Variants in MYO18A observed in about 807,000 individuals in gnomAD.
MYO18A encodes the protein unconventional myosin-XVIIIa.
Under a neutral mutation model 235.8 loss-of-function variants are expected in MYO18A, and 78 were observed. The observed-to-expected ratio is 0.33, with a 90% CI of 0.28 to 0.40. The LOEUF (loss-of-function observed/expected upper bound fraction) is 0.40. Among genes scored for constraint, MYO18A ranks in the 10% least tolerant of loss-of-function variants. The pLI is 1.00. For missense variants in MYO18A, 2,215 were observed against 2,699.3 expected, an observed-to-expected ratio of 0.82 and a Z score of 3.98; for synonymous variants, 977 against 1,077.8, an observed-to-expected ratio of 0.91 and a Z score of 1.83.
intron 37 of MYO18A, among the ~76,000 whole-genome samples, chr17:29,088,725 C>T (rs936583796): frequency 6.6e-6 from 1 of 152,232 alleles, no homozygotes; most frequent in Non-Finnish European, 1.5e-5. Flanking sequence ...CTGGCCAATA[C>T]TGGCTTTGGG....
rs536497124 is a variant in MYO18A, at chr17:29,099,509, A to C, written c.3636+125T>G. ...GGCACCAGGGAGCTGCCTGTTCCCC[A>C]CCCTGGCCCAGGACATGGTGCCCTG... On this transcript the variant is annotated intron_variant, in intron 22 of 41. Coordinates refer to ENST00000527372, the MANE Select transcript of MYO18A (RefSeq NM_078471.4). 91 of 1,307,856 alleles carry C rather than the reference A, an allele frequency of 7.0e-5. No homozygotes were observed. The Middle Eastern group carries it at 1.2e-3, about 18-fold the overall frequency. The allele number at this position is 1,307,856 out of a possible 1,614,324, so 81.0% of individuals were successfully genotyped here.
chr17:29,160,287 T>C (rs943771499), intron 2 of MYO18A, among the ~76,000 whole-genome samples: 3 of 152,246 alleles, frequency 2.0e-5, no homozygotes, highest in Non-Finnish European at 2.9e-5. Flanking sequence ...GTGAATTCAC[T>C]GGGTATGCAT....
Position 29,118,504 on chromosome 17 carries a change from G to T in MYO18A, c.1830-64C>A. The T allele has an allele frequency of 6.9e-7, 1 of 1,455,200 alleles. No homozygotes were observed. The highest frequency in any genetic ancestry group is 9.5e-7 in the Non-Finnish European group (1 of 1,053,544). The allele number at this position is 1,455,200 out of a possible 1,614,324, so 90.1% of individuals were successfully genotyped here. Reference sequence around the variant, plus strand: ...CCCATGCCAAGGCCATTTCCGCCCAGGGTGGAGACAGACAGACTCAGCTTC... The same window carrying T: ...CCCATGCCAAGGCCATTTCCGCCCATGGTGGAGACAGACAGACTCAGCTTC... On this transcript the variant is annotated intron_variant, in intron 8 of 41. Coordinates refer to ENST00000527372, the MANE Select transcript of MYO18A (RefSeq NM_078471.4). The surrounding 1 kb of genome is among the most constrained non-coding windows in gnomAD (Gnocchi z 4.2).
rs574211308 is a variant in MYO18A at position 29,111,448 on chromosome 17, G to A, written c.2876C>T (p.Pro959Leu). 4 of 1,612,428 alleles carry A rather than the reference G, an allele frequency of 2.5e-6. No homozygotes were observed. The highest frequency in any genetic ancestry group is 2.2e-5 in the East Asian group (1 of 44,846). The change falls in exon 17 of 42, where the codon CCC (proline) becomes CTC (leucine). Residue 959 changes from proline (P) to leucine (L), a missense_variant. Coordinates refer to ENST00000527372, the MANE Select transcript of MYO18A (RefSeq NM_078471.4). The surrounding 1 kb of genome is among the most constrained non-coding windows in gnomAD (Gnocchi z 5.1). ...TKQNPATQNAPRLLQDSQKKI... is the reference protein window; with the variant it reads ...TKQNPATQNALRLLQDSQKKI... ...CTTCTGGGAGTCCTGCAGGAGCCGG[G>A]GGGCATTCTGGGTGGCTGGGTTCTG...
chr17:29,082,558 T>G, intron 40 of MYO18A, 120 bp from the exon 41 acceptor site: 22 of 1,026,880 alleles, frequency 2.1e-5, no homozygotes, highest in Non-Finnish European at 3.2e-5. Context: ...TGCACGTCGG[T>G]GAGTCGGGAG....
At chr17:29,167,730 GA>G (rs1443068443) in intron 1 of MYO18A, among the ~76,000 whole-genome samples, 2 of 151,724 alleles carry the variant, frequency 1.3e-5, no homozygotes, top group Non-Finnish European at 2.9e-5. Context: ...AAACTCAAAG[GA>G]AAAAGAAAAG....
At position 29,099,754 on chromosome 17, in the gene MYO18A, G is replaced by T; in HGVS notation, c.3516C>A (p.Phe1172Leu). ...CCAGCCGTGCCAAGGTGCCCGCCCG[G>T]AAGAACACCTGTGAAAAAGCAGGCC... ...SCCMGLSRVFFRAGTLARLEE... is the reference protein window; with the variant it reads ...SCCMGLSRVFLRAGTLARLEE... Residue 1172 changes from phenylalanine to leucine, a missense_variant, in exon 22 of 42, where the codon TTC becomes TTA. Physicochemically the swap from Phe to Leu is conservative, Grantham distance 22 (BLOSUM62 0). Coordinates refer to ENST00000527372, the MANE Select transcript of MYO18A (RefSeq NM_078471.4). 6.2e-7 allele frequency: 1 copy of T among 1,612,636 alleles called. No individual in the cohort carries two copies.
intron 15 of MYO18A, among the ~76,000 whole-genome samples, chr17:29,113,161 A>ATGT (rs1159715928): frequency 6.6e-6 from 1 of 152,150 alleles, no homozygotes; most frequent in African/African-American, 2.4e-5. Context: ...CCCTGGGGAG[A>ATGT]TGCGGTGCTT....
chr17:29,091,430 C>T (rs2066395950), intron 34 of MYO18A: 3 of 333,056 alleles, frequency 9.0e-6, no homozygotes, highest in Non-Finnish European at 1.8e-5. Context: ...ACAGCAGCTT[C>T]AGGAAATGAA....
At chr17:29,164,757 C>CA (rs1435850286) in intron 2 of MYO18A, among the ~76,000 whole-genome samples, 1 of 152,218 alleles carries the variant, frequency 6.6e-6, no homozygotes, top group African/African-American at 2.4e-5. Flanking sequence ...GCCACCCTAT[C>CA]AAAAGACCCC....
In MYO18A at chr17:29,174,675, G is replaced by C. The variant is rs568523096; in HGVS notation, c.-82+5638C>G. 2.0e-5 allele frequency among the ~76,000 whole-genome samples: 3 copies of C among 152,010 alleles called. No individual in the cohort carries two copies. The South Asian group carries it at 6.2e-4, about 32-fold the overall frequency. Reference sequence around the variant, plus strand: ...ACTAAAAATACAAAACTTTGCCGGCGTAGTGGCGCACCTGTAATCCCAGCT... The same window carrying C: ...ACTAAAAATACAAAACTTTGCCGGCCTAGTGGCGCACCTGTAATCCCAGCT... On this transcript the variant is annotated intron_variant, in intron 1 of 41. Coordinates refer to ENST00000527372, the MANE Select transcript of MYO18A (RefSeq NM_078471.4).
chr17:29,129,013 T>C, intron 2 of MYO18A: 20 of 1,282,178 alleles, frequency 1.6e-5, no homozygotes, highest in Non-Finnish European at 1.9e-5. Context: ...CCCACCTCCA[T>C]TCCTACCACC....
At chr17:29,172,112 A>G (rs982184304) in intron 1 of MYO18A, among the ~76,000 whole-genome samples, 3 of 151,828 alleles carry the variant, frequency 2.0e-5, no homozygotes, top group Non-Finnish European at 4.4e-5. Context: ...GGCAAGCAAC[A>G]TAAAGATAAG....
At chr17:29,123,858 CT>C (rs2067257220) in intron 2 of MYO18A, among the ~76,000 whole-genome samples, 1 of 152,126 alleles carries the variant, frequency 6.6e-6, no homozygotes, top group Non-Finnish European at 1.5e-5. Flanking sequence ...ACCATCCTGG[CT>C]AACACAGTGA....
At chr17:29,091,134 C>T (rs149437401) in intron 34 of MYO18A, 146 of 558,926 alleles carry the variant, frequency 2.6e-4, no homozygotes, top group African/African-American at 2.6e-3. Context: ...GCAGTACAGG[C>T]AGACCCTGGG....
intron 2 of MYO18A, among the ~76,000 whole-genome samples, chr17:29,129,502 TAG>T (rs971043514): frequency 1.1e-4 from 16 of 152,134 alleles, no homozygotes; most frequent in Non-Finnish European, 8.8e-5. Flanking sequence ...AACGGCAGGA[TAG>T]AGTTTCCCAT....
intron 2 of MYO18A, among the ~76,000 whole-genome samples, chr17:29,137,606 C>T (rs543484728): frequency 7.2e-5 from 11 of 152,142 alleles, no homozygotes; most frequent in South Asian, 4.2e-4. Flanking sequence ...AGAAAAAAAA[C>T]GCAAAGATTT....
intron 20 of MYO18A, among the ~76,000 whole-genome samples, chr17:29,104,528 G>A (rs777847233): frequency 1.3e-5 from 2 of 152,154 alleles, no homozygotes; most frequent in Non-Finnish European, 2.9e-5. Flanking sequence ...GCCATAAGGG[G>A]TAGGGTAGAG....
chr17:29,090,231 T>TGGAGCCCTGGGCCAGAGG (rs1312295194), intron 36 of MYO18A, 133 bp from the exon 37 acceptor site: 1 of 1,072,650 alleles, frequency 9.3e-7, no homozygotes, highest in African/African-American at 1.6e-5. Flanking sequence ...GGAAAGAGAA[T>TGGAGCCCTGGGCCAGAGG]GGAGCCCTGG....
Sources: allele counts gnomAD v4.1 joint callset (sites outside exome capture counted in the v4.1 genomes callset), GRCh38; gene constraint gnomAD v4.1.1; non-coding constraint Gnocchi (gnomAD v3.1); transcripts MANE v1.5; gene names NCBI Gene and HGNC (gene_info 2026-07-23, HGNC 2026-07-21).